Variants in TNNI3K observed in about 807,000 individuals in gnomAD.
TNNI3K encodes TNNI3 interacting kinase.
TNNI3K carries 140 observed loss-of-function variants against 114.5 expected under a neutral mutation model. The ratio of observed to expected loss-of-function variants is 1.22; its 90% CI spans 1.07 to 1.41. The LOEUF is 1.41. TNNI3K is among the 40% of genes most tolerant of loss of function. TNNI3K has a pLI of 0.00. For synonymous variants in TNNI3K, 347 were observed against 347.5 expected (o/e 1.00, Z 0.02); for missense variants, 1,125 against 1,007.6 (o/e 1.12, Z -1.58).
Position 74,369,097 on chromosome 1 carries a change from A to T in TNNI3K, c.1397A>T (p.His466Leu). The change falls in exon 14 of 25, where the codon CAT becomes CTT. Residue 466 changes from histidine to leucine, a missense_variant. By Grantham distance (99) the His-to-Leu change is moderately conservative. Coordinates refer to ENST00000326637, the MANE Select transcript of TNNI3K (RefSeq NM_015978.3). ...FHLQLSEIEFHEIIGSGSFGK... is the reference protein window; with the variant it reads ...FHLQLSEIEFLEIIGSGSFGK... ...CTTCAGCTCTCAGAAATTGAGTTCC[A>T]TGAGATTATTGGCTCAGGTAACCTA... The T allele has an allele frequency of 6.2e-7, 1 of 1,610,424 alleles. No homozygotes were observed. The highest frequency in any genetic ancestry group is 1.1e-5 in the South Asian group (1 of 90,306).
At chr1:74,341,120 A>G in intron 7 of TNNI3K, among the ~76,000 whole-genome samples, 1 of 152,312 alleles carries the variant, frequency 6.6e-6, no homozygotes, top group South Asian at 2.1e-4. Flanking sequence ...ATGGCTTTAG[A>G]GCAGTTGATT....
intron 23 of TNNI3K, among the ~76,000 whole-genome samples, chr1:74,498,300 A>G (rs747832664): frequency 1.3e-5 from 2 of 152,112 alleles, no homozygotes; most frequent in Non-Finnish European, 2.9e-5. Context: ...AATTATCTCA[A>G]TCAGCGTAAT....
At chr1:74,452,469 C>G (rs964622403) in intron 20 of TNNI3K, among the ~76,000 whole-genome samples, 1 of 152,010 alleles carries the variant, frequency 6.6e-6, no homozygotes, top group Non-Finnish European at 1.5e-5. Flanking sequence ...CTCTTTCTTT[C>G]TTTTTAAAAT....
chr1:74,426,591 T>C (rs1665651266), intron 17 of TNNI3K, among the ~76,000 whole-genome samples: 1 of 152,060 alleles, frequency 6.6e-6, no homozygotes, highest in Non-Finnish European at 1.5e-5. Flanking sequence ...TACTCGTCTT[T>C]CGTATAGTTC....
At position 74,492,192 on chromosome 1, in the gene TNNI3K, T is replaced by C; in HGVS notation, c.2277T>C (p.His759=). Residue 759 remains histidine, a synonymous_variant, in exon 23 of 25, where the codon CAT becomes CAC. Coordinates refer to ENST00000326637, the MANE Select transcript of TNNI3K (RefSeq NM_015978.3). Reference sequence around the variant, plus strand: ...ACCGGGGAGGACCTGGCCGGAGTCATGTGGCAGCATTAAGAAGTCGTTTCG... The same window carrying C: ...ACCGGGGAGGACCTGGCCGGAGTCACGTGGCAGCATTAAGAAGTCGTTTCG... ...LVNRGGPGRS[H]VAALRSRFEL... is the part of the protein sequence containing the mutation. 1 of 1,613,190 alleles carries C rather than the reference T, an allele frequency of 6.2e-7. No individual in the cohort carries two copies. The highest frequency in any genetic ancestry group is 8.5e-7 in the Non-Finnish European group (1 of 1,179,340).
chr1:74,268,247 T>C (rs1346093824), intron 4 of TNNI3K, among the ~76,000 whole-genome samples: 1 of 151,968 alleles, frequency 6.6e-6, no homozygotes, highest in African/African-American at 2.4e-5. Context: ...CTACTCTGCA[T>C]TGAAATTTCT....
intron 5 of TNNI3K, among the ~76,000 whole-genome samples, chr1:74,322,649 TG>T (rs965668096): frequency 2.3e-4 from 35 of 152,006 alleles, no homozygotes; most frequent in Admixed American, 7.2e-4. Flanking sequence ...TTAGTAGAGA[TG>T]GGGTTTCACC....
At chr1:74,503,152 T>C (rs967883193) in intron 23 of TNNI3K, among the ~76,000 whole-genome samples, 2 of 152,180 alleles carry the variant, frequency 1.3e-5, no homozygotes, top group African/African-American at 4.8e-5. Flanking sequence ...TTAGCTGACA[T>C]TTGTGGGCAA....
intron 23 of TNNI3K, among the ~76,000 whole-genome samples, chr1:74,526,117 T>A (rs1008995299): frequency 6.6e-6 from 1 of 152,198 alleles, no homozygotes; most frequent in African/African-American, 2.4e-5. Context: ...TTTGTGAAGA[T>A]CAATGTTCTG....
intron 21 of TNNI3K, chr1:74,469,798 A>C: frequency 2.5e-6 from 1 of 398,880 alleles, no homozygotes; most frequent in East Asian, 3.6e-5. Flanking sequence ...CTTCTAATGC[A>C]TGCAAAGGCT....
intron 2 of TNNI3K, among the ~76,000 whole-genome samples, chr1:74,244,090 T>C (rs1654408004): frequency 6.6e-6 from 1 of 152,172 alleles, no homozygotes; most frequent in South Asian, 2.1e-4. Context: ...ACAGAAACGT[T>C]TGACTAGAAG....
intron 17 of TNNI3K, among the ~76,000 whole-genome samples, chr1:74,420,574 A>T (rs563897816): frequency 6.6e-6 from 1 of 152,238 alleles, no homozygotes; most frequent in South Asian, 2.1e-4. Context: ...CTTTTACTTT[A>T]TCAGGAGAGA....
chr1:74,475,551 CG>C (rs1557591176), intron 21 of TNNI3K: 2 of 717,358 alleles, frequency 2.8e-6, no homozygotes, highest in South Asian at 3.0e-5. Context: ...ACTCAGAGGC[CG>C]ATGTTGCTTG....
intron 2 of TNNI3K, among the ~76,000 whole-genome samples, chr1:74,249,138 C>G (rs1654771561): frequency 6.6e-6 from 1 of 151,218 alleles, no homozygotes; most frequent in Non-Finnish European, 1.5e-5. Flanking sequence ...TAGATGATGT[C>G]TGACCTTGGT....
At chr1:74,250,068 G>T (rs1417936109) in intron 3 of TNNI3K, among the ~76,000 whole-genome samples, 1 of 152,168 alleles carries the variant, frequency 6.6e-6, no homozygotes, top group Non-Finnish European at 1.5e-5. Flanking sequence ...ACTCAGTAAA[G>T]TTATTGAATT....
At chr1:74,381,296 T>C (rs984088446) in intron 17 of TNNI3K, among the ~76,000 whole-genome samples, 1 of 152,172 alleles carries the variant, frequency 6.6e-6, no homozygotes, top group African/African-American at 2.4e-5. Flanking sequence ...CCTTGGTCAA[T>C]TTATTTAACA....
intron 11 of TNNI3K, among the ~76,000 whole-genome samples, chr1:74,361,380 C>A (rs570882577): frequency 6.6e-6 from 1 of 152,034 alleles, no homozygotes; most frequent in Non-Finnish European, 1.5e-5. Context: ...CTTCCTAGAG[C>A]TTGGCTAAAT....
At chr1:74,493,718 C>T (rs1379000721) in intron 23 of TNNI3K, among the ~76,000 whole-genome samples, 5 of 152,298 alleles carry the variant, frequency 3.3e-5, no homozygotes, top group South Asian at 4.2e-4. Context: ...CCTCCTTGGA[C>T]ACCCACATAG....
At chr1:74,415,011 A>G (rs990812415) in intron 17 of TNNI3K, among the ~76,000 whole-genome samples, 4 of 152,222 alleles carry the variant, frequency 2.6e-5, no homozygotes, top group Non-Finnish European at 4.4e-5. Context: ...ACAATTGTCT[A>G]GAAGGCCCTA....
Sources: gnomAD v4.1 joint callset for allele counts (sites outside exome capture counted in the v4.1 genomes callset) on GRCh38, gnomAD v4.1.1 for gene constraint, MANE v1.5 for transcripts, NCBI Gene and HGNC (gene_info 2026-07-23, HGNC 2026-07-21) for gene names.